Variants in ALMS1 observed in about 807,000 individuals in gnomAD.
ALMS1 encodes the protein centrosome-associated protein ALMS1.
ALMS1 carries 271 observed loss-of-function variants against 352.2 expected under a neutral mutation model. The observed-to-expected ratio is 0.77, with a 90% confidence interval of 0.70 to 0.85. The LOEUF (loss-of-function observed/expected upper bound fraction) is 0.85, where lower values mean the gene tolerates loss of function less well. Among genes scored for constraint, ALMS1 ranks in the 40% least tolerant of loss-of-function variants. The pLI, the probability that ALMS1 is intolerant of heterozygous loss-of-function variation, is 0.00. For missense variants in ALMS1, 5,445 were observed against 4,870.7 expected (o/e 1.12, Z -3.51); for synonymous variants, 1,865 against 1,761.2 (o/e 1.06, Z -1.48).
intron 12 of ALMS1, among the ~76,000 whole-genome samples, chr2:73,539,474 T>G (rs1277041625): frequency 6.6e-5 from 10 of 152,002 alleles, no homozygotes; most frequent in African/African-American, 2.4e-4. Flanking sequence ...GCGCCTCTCC[T>G]CCTCCAAAGG....
At chr2:73,580,176 C>A (rs931721986) in intron 16 of ALMS1, among the ~76,000 whole-genome samples, 27 of 152,142 alleles carry the variant, frequency 1.8e-4, no homozygotes, top group Non-Finnish European at 3.4e-4. Context: ...ACTCTGGGCT[C>A]AAGAAATCTT....
At chr2:73,400,115 T>G (rs1670844567) in intron 1 of ALMS1, among the ~76,000 whole-genome samples, 1 of 151,896 alleles carries the variant, frequency 6.6e-6, no homozygotes. Flanking sequence ...TTTTTGTATT[T>G]TTTTTAGAGG....
intron 9 of ALMS1, among the ~76,000 whole-genome samples, chr2:73,478,444 T>A (rs1247098352): frequency 6.6e-6 from 1 of 152,150 alleles, no homozygotes; most frequent in Non-Finnish European, 1.5e-5. Flanking sequence ...TATTTTGGGA[T>A]GAGTATAAAT....
intron 8 of ALMS1, among the ~76,000 whole-genome samples, chr2:73,454,946 G>A (rs1264719719): frequency 6.6e-6 from 1 of 152,200 alleles, no homozygotes; most frequent in African/African-American, 2.4e-5. Flanking sequence ...TGGCTTTTTT[G>A]TAGAATTATC....
In ALMS1 at chr2:73,490,957, C is replaced by G. The variant is rs200930613; in HGVS notation, c.8998C>G (p.Gln3000Glu). The G allele has an allele frequency of 2.9e-5, 47 of 1,614,058 alleles. No individual in the cohort carries two copies. The highest frequency in any genetic ancestry group is 3.6e-5 in the Non-Finnish European group (42 of 1,180,028). The change falls in exon 10 of 23, where the codon CAA (glutamine) becomes GAA (glutamate). Residue 3000 changes from glutamine to glutamate, a missense_variant. By Grantham distance (29) the Gln-to-Glu change is conservative (BLOSUM62 2). Coordinates refer to ENST00000613296, the MANE Select transcript of ALMS1 (RefSeq NM_001378454.1). Reference sequence around the variant, plus strand: ...GGATTGTGTAGTGGAAAAGAATAATCAACATAAGCCTAAATCACACATTTC... The same window carrying G: ...GGATTGTGTAGTGGAAAAGAATAATGAACATAAGCCTAAATCACACATTTC... ...GQDCVVEKNN[Q>E]HKPKSHISNI...
intron 10 of ALMS1, among the ~76,000 whole-genome samples, chr2:73,495,996 T>C (rs1673098466): frequency 6.6e-6 from 1 of 152,210 alleles, no homozygotes; most frequent in Admixed American, 6.5e-5. Context: ...AAATGCTGTT[T>C]GCTAAAGTTT....
chr2:73,394,421 A>G (rs1670711419), intron 1 of ALMS1, among the ~76,000 whole-genome samples: 1 of 152,004 alleles, frequency 6.6e-6, no homozygotes, highest in African/African-American at 2.4e-5. Context: ...GTGCAATCTC[A>G]GCTCACTGAA....
intron 7 of ALMS1, among the ~76,000 whole-genome samples, chr2:73,443,552 A>G (rs1671756427): frequency 6.6e-6 from 1 of 151,756 alleles, no homozygotes; most frequent in Non-Finnish European, 1.5e-5. Context: ...CTCCCTAATC[A>G]CTGCCCTTAC....
chr2:73,597,664 C>T (rs1258237266), intron 16 of ALMS1, among the ~76,000 whole-genome samples: 5 of 152,058 alleles, frequency 3.3e-5, no homozygotes, highest in African/African-American at 9.7e-5. Flanking sequence ...ATGCAGATTT[C>T]GTTTCCTTTT....
Position 73,490,676 on chromosome 2 carries a change from C to G in ALMS1, c.8717C>G (p.Pro2906Arg), listed in dbSNP as rs1200689263. ...ADDHVRKHHS[P>R]SPQHQDYVAP... ...GACCATGTGAGGAAACACCATTCTCCCTCTCCTCAACATCAGGATTATGTA... is the reference window on the plus strand; with the variant it reads ...GACCATGTGAGGAAACACCATTCTCGCTCTCCTCAACATCAGGATTATGTA... Residue 2906 changes from proline (P) to arginine (R), a missense_variant, in exon 10 of 23, where the codon CCC (proline) becomes CGC (arginine). By Grantham distance (103) the Pro-to-Arg change is moderately radical (BLOSUM62 -2). Transcript: ENST00000613296. 6.2e-7 allele frequency: 1 copy of G among 1,614,092 alleles called. No homozygotes were observed. The highest frequency in any genetic ancestry group is 2.2e-5 in the East Asian group (1 of 44,874).
At chr2:73,486,969 C>T (rs1218112652) in intron 9 of ALMS1, among the ~76,000 whole-genome samples, 1 of 152,116 alleles carries the variant, frequency 6.6e-6, no homozygotes, top group Non-Finnish European at 1.5e-5. Context: ...GTGGCAGGAT[C>T]GCCTGAGCCT....
chr2:73,494,274 A>G (rs1673057937), intron 10 of ALMS1, among the ~76,000 whole-genome samples: 1 of 152,140 alleles, frequency 6.6e-6, no homozygotes, highest in African/African-American at 2.4e-5. Flanking sequence ...CTCTCACCCA[A>G]GGGTTGGGAA....
chr2:73,455,183 T>C lies in ALMS1; in HGVS notation c.7562T>C (p.Leu2521Ser), dbSNP rs776090716. The C allele has an allele frequency of 9.3e-6, 15 of 1,613,956 alleles. No homozygotes were observed. In the South Asian group the frequency reaches 1.6e-4, roughly 18 times the overall value. The change falls in exon 9 of 23, where the codon TTA becomes TCA. Residue 2521 changes from leucine (L) to serine (S), a missense_variant. Transcript: ENST00000613296. ...CCAGCCTGGAATATGAAGTTCAATT[T>C]AGCACATGATTGTGGATACTCCATT... ...RAHAWNMKFN[L>S]AHDCGYSISE...
At chr2:73,466,916 A>G (rs9807961) in intron 9 of ALMS1, among the ~76,000 whole-genome samples, 55,081 of 151,976 alleles carry the variant, frequency 0.36, 13,360 homozygotes, top group African/African-American at 0.69. Context: ...AGTGTTTGGG[A>G]AAAAGCTGTT....
At chr2:73,465,508 C>T (rs564585601) in intron 9 of ALMS1, among the ~76,000 whole-genome samples, 4 of 152,264 alleles carry the variant, frequency 2.6e-5, no homozygotes, top group South Asian at 2.1e-4. Flanking sequence ...TAAAGACTTA[C>T]ATGTTAGTCC....
intron 15 of ALMS1, among the ~76,000 whole-genome samples, chr2:73,564,555 A>T (rs935863017): frequency 6.6e-6 from 1 of 152,132 alleles, no homozygotes; most frequent in Non-Finnish European, 1.5e-5. Flanking sequence ...ACCATAATCA[A>T]TTTTAGAATA....
chr2:73,389,379 A>G (rs2103626283), intron 1 of ALMS1, among the ~76,000 whole-genome samples: 1 of 152,150 alleles, frequency 6.6e-6, no homozygotes, highest in South Asian at 2.1e-4. Flanking sequence ...ATTTTCTCCC[A>G]TCCTGTAGGT....
chr2:73,535,294 G>A (rs1406044187), intron 12 of ALMS1, among the ~76,000 whole-genome samples: 1 of 151,836 alleles, frequency 6.6e-6, no homozygotes, highest in South Asian at 2.1e-4. Context: ...TTTTCAAATA[G>A]CAACTAAGGA....
chr2:73,405,043 CTG>C (rs1327349754), intron 1 of ALMS1, among the ~76,000 whole-genome samples: 1 of 150,512 alleles, frequency 6.6e-6, no homozygotes, highest in Non-Finnish European at 1.5e-5. Context: ...TCCCAAGTAA[CTG>C]TTACCACAGG....
Sources: gnomAD v4.1 joint callset for allele counts (sites outside exome capture counted in the v4.1 genomes callset) on GRCh38, gnomAD v4.1.1 for gene constraint, MANE v1.5 for transcripts, NCBI Gene and HGNC (gene_info 2026-07-23, HGNC 2026-07-21) for gene names.